PCDH15: variants seen among roughly 807,000 people sequenced by gnomAD.
The protein encoded by PCDH15 is protocadherin-15.
In PCDH15, 129 loss-of-function variants were observed where a neutral mutation model predicts 178.5. That is an observed-to-expected ratio of 0.72 (90% CI 0.63 to 0.84). The LOEUF is 0.84. Among genes scored for constraint, PCDH15 ranks in the 40% least tolerant of loss-of-function variants. The pLI is 0.00. For synonymous variants in PCDH15, 800 were observed against 732.0 expected, an observed-to-expected ratio of 1.09 and a Z score of -1.50; for missense variants, 2,230 against 2,099.9, an observed-to-expected ratio of 1.06 and a Z score of -1.21.
At chr10:54,294,086 A>C (rs2059595000) in intron 8 of PCDH15, among the ~76,000 whole-genome samples, 1 of 152,202 alleles carries the variant, frequency 6.6e-6, no homozygotes, top group Admixed American at 6.5e-5. Context: ...CAACAATGAT[A>C]GACTGGATAA....
At chr10:54,494,920 C>T (rs1210322137) in intron 3 of PCDH15, among the ~76,000 whole-genome samples, 1 of 152,130 alleles carries the variant, frequency 6.6e-6, no homozygotes, top group Non-Finnish European at 1.5e-5. Context: ...TGCAGCCCTA[C>T]AGTTGTCTAA....
chr10:55,449,979 A>G (rs1839398247), intron 2 of PCDH15, among the ~76,000 whole-genome samples: 1 of 152,186 alleles, frequency 6.6e-6, no homozygotes, highest in Admixed American at 6.5e-5. Context: ...GGACTCTGGG[A>G]ACATATAAAC....
intron 18 of PCDH15, among the ~76,000 whole-genome samples, chr10:54,042,587 A>T (rs889118492): frequency 6.6e-6 from 1 of 152,028 alleles, no homozygotes; most frequent in Non-Finnish European, 1.5e-5. Context: ...AGGTTTGGTA[A>T]GCGTAGCTGT....
At chr10:55,495,892 A>G (rs950794869) in intron 2 of PCDH15, among the ~76,000 whole-genome samples, 2 of 151,922 alleles carry the variant, frequency 1.3e-5, no homozygotes, top group East Asian at 3.9e-4. Flanking sequence ...ATGGAATCTT[A>G]TTTGTTAATA....
At chr10:54,162,260 C>T (rs968263916) in intron 13 of PCDH15, among the ~76,000 whole-genome samples, 1 of 152,102 alleles carries the variant, frequency 6.6e-6, no homozygotes, top group African/African-American at 2.4e-5. Context: ...TTTTAAACCA[C>T]TGTATGTTCC....
chr10:54,789,477 T>A (rs1425495403), intron 1 of PCDH15, among the ~76,000 whole-genome samples: 1 of 151,808 alleles, frequency 6.6e-6, no homozygotes, highest in Non-Finnish European at 1.5e-5. Flanking sequence ...GCTTGAGTGA[T>A]TTAGTAGCTA....
At chr10:55,528,152 T>C (rs1380977483) in intron 2 of PCDH15, among the ~76,000 whole-genome samples, 1 of 152,110 alleles carries the variant, frequency 6.6e-6, no homozygotes, top group Admixed American at 6.6e-5. Flanking sequence ...TCCTCCCATC[T>C]TAGCCTCTGG....
chr10:54,671,752 A>G (rs1212479602), intron 1 of PCDH15, among the ~76,000 whole-genome samples: 2 of 152,222 alleles, frequency 1.3e-5, no homozygotes, highest in Admixed American at 6.5e-5. Context: ...TAATAAATAC[A>G]TAATAGTCCA....
intron 2 of PCDH15, among the ~76,000 whole-genome samples, chr10:55,325,759 AAAC>A (rs1844014023): frequency 6.6e-6 from 1 of 152,068 alleles, no homozygotes; most frequent in South Asian, 2.1e-4. Context: ...CAAAACAAAC[AAAC>A]AACAACACCA....
At position 54,774,007 on chromosome 10, in the gene PCDH15, C is replaced by CTTTTTTTTTTTTTTTTTTTTTT. The variant is rs763704132; in HGVS notation, c.-29+26896_-29+26917dup. On this transcript the variant is annotated intron_variant, in intron 1 of 37. Coordinates refer to ENST00000644397, the MANE Select transcript of PCDH15 (RefSeq NM_001384140.1). ...TAGATGAACTGGCATACTTCATAGG[C>CTTTTTTTTTTTTTTTTTTTTTT]TTTTTTTTTTTTTTTTTTTTTTTTT... 4.0e-5 allele frequency among the ~76,000 whole-genome samples: 3 copies of CTTTTTTTTTTTTTTTTTTTTTT among 75,378 alleles called. 1 individual carries two copies. Among genetic ancestry groups the CTTTTTTTTTTTTTTTTTTTTTT allele is most frequent in the Non-Finnish European group, 7.6e-5 (3 of 39,288 alleles). 49.5% of individuals were successfully genotyped at this position (75,378 alleles called of 152,430 possible). A position where few individuals can be genotyped will look rare whatever the true frequency, so the allele number is the denominator to read the frequency against.
At chr10:55,591,443 A>G (rs1408887654) in intron 2 of PCDH15, among the ~76,000 whole-genome samples, 1 of 152,058 alleles carries the variant, frequency 6.6e-6, no homozygotes. Context: ...TCATAAATAA[A>G]TACATAAATA....
chr10:54,691,343 A>G (rs1391203723), intron 1 of PCDH15, among the ~76,000 whole-genome samples: 1 of 151,808 alleles, frequency 6.6e-6, no homozygotes, highest in South Asian at 2.1e-4. Flanking sequence ...ACCACTAGAA[A>G]CTCTCAAACC....
intron 18 of PCDH15, among the ~76,000 whole-genome samples, chr10:54,061,781 T>C (rs1666647152): frequency 6.6e-6 from 1 of 150,408 alleles, no homozygotes; most frequent in Non-Finnish European, 1.5e-5. Flanking sequence ...TATAATATGA[T>C]ACCTTGTGAA....
At chr10:54,669,535 C>T (rs1217672597) in intron 1 of PCDH15, among the ~76,000 whole-genome samples, 3 of 149,822 alleles carry the variant, frequency 2.0e-5, no homozygotes, top group Admixed American at 6.7e-5. Context: ...TTGATATTAT[C>T]GCCCACTTTT....
At chr10:54,597,706 T>G (rs1018557904) in intron 2 of PCDH15, among the ~76,000 whole-genome samples, 3 of 152,036 alleles carry the variant, frequency 2.0e-5, no homozygotes, top group African/African-American at 7.2e-5. Context: ...GTTGACTTTT[T>G]GAAAACATTA....
At chr10:54,026,304 G>C (rs562989238) in intron 18 of PCDH15, among the ~76,000 whole-genome samples, 1 of 151,926 alleles carries the variant, frequency 6.6e-6, no homozygotes, top group African/African-American at 2.4e-5. Flanking sequence ...TTCTGGGCTT[G>C]AGCCATCCTC....
At chr10:54,532,141 CT>C (rs2083993441) in intron 2 of PCDH15, among the ~76,000 whole-genome samples, 1 of 152,108 alleles carries the variant, frequency 6.6e-6, no homozygotes, top group Non-Finnish European at 1.5e-5. Flanking sequence ...CAATCTTGCC[CT>C]TACTCTGAGT....
intron 8 of PCDH15, among the ~76,000 whole-genome samples, chr10:54,245,294 G>A (rs1219943744): frequency 1.3e-5 from 2 of 152,146 alleles, no homozygotes; most frequent in Non-Finnish European, 1.5e-5. Context: ...GCAAAGTAAT[G>A]TACAGTTTTC....
chr10:55,460,763 TC>T (rs1179056670), intron 2 of PCDH15, among the ~76,000 whole-genome samples: 1 of 152,074 alleles, frequency 6.6e-6, no homozygotes, highest in African/African-American at 2.4e-5. Flanking sequence ...TGCATGCCTA[TC>T]TTGAATTGTA....
Sources: allele counts gnomAD v4.1 joint callset (sites outside exome capture counted in the v4.1 genomes callset), GRCh38; gene constraint gnomAD v4.1.1; transcripts MANE v1.5; gene names NCBI Gene and HGNC (gene_info 2026-07-23, HGNC 2026-07-21).